Variants in CCDC80 observed in about 807,000 individuals in gnomAD.
The protein encoded by CCDC80 is coiled-coil domain containing 80.
A neutral mutation model predicts 78.7 loss-of-function variants in CCDC80; 49 were observed. The observed-to-expected ratio is 0.62, with a 90% CI of 0.50 to 0.79. CCDC80 has a LOEUF of 0.79. CCDC80 is among the 30% of genes least tolerant of loss of function. The pLI is 0.00. For missense variants in CCDC80, 1,205 were observed against 1,198.6 expected (o/e 1.01, Z -0.08); for synonymous variants, 488 against 447.0 (o/e 1.09, Z -1.16).
chr3:112,638,187 C>T lies in CCDC80; in HGVS notation c.1719G>A (p.Glu573=). Residue 573 remains glutamate (E), a synonymous_variant, in exon 2 of 8, where the codon GAG becomes GAA. Coordinates refer to ENST00000206423, the MANE Select transcript of CCDC80 (RefSeq NM_199511.3). ...LKSEKQMKKS[E]KKSKQEKEKS... is the part of the protein sequence containing the mutation. Reference sequence around the variant, plus strand: ...TCTCTTTCTCTTGCTTGCTCTTTTTCTCAGACTTCTTCATTTGCTTTTCAC... The same window carrying T: ...TCTCTTTCTCTTGCTTGCTCTTTTTTTCAGACTTCTTCATTTGCTTTTCAC... 1.2e-6 allele frequency: 2 copies of T among 1,613,458 alleles called. No homozygotes were observed. Among genetic ancestry groups the T allele is most frequent in the Middle Eastern group, 1.6e-4 (1 of 6,062 alleles).
chr3:112,606,721 G>A (rs895336077), intron 7 of CCDC80, among the ~76,000 whole-genome samples: 67 of 152,018 alleles, frequency 4.4e-4, no homozygotes, highest in Non-Finnish European at 1.9e-4. Flanking sequence ...CACCATGCCC[G>A]GCTTCTCTGA....
rs35931975 is a variant in CCDC80, at chr3:112,603,973, A to C, written c.*1444T>G. 0.042 allele frequency: 6,358 copies of C among 152,312 alleles called. 246 individuals are homozygous for C. The highest frequency in any genetic ancestry group is 0.11 in the Admixed American group (1,646 of 15,300). The allele number at this position is 152,312 out of a possible 1,614,324, so 9.4% of individuals were successfully genotyped here. ...TTGGAGGAAGCTCTGCTATAGACAT[A>C]GTGGAAATAGCAAGAGAACTGGAAT... On this transcript the variant is annotated 3_prime_UTR_variant, in exon 8 of 8. Transcript: ENST00000206423.
Position 112,633,123 on chromosome 3 carries a change from G to A in CCDC80, c.1879-2854C>T, listed in dbSNP as rs780662139. 2.5e-4 allele frequency among the ~76,000 whole-genome samples: 38 copies of A among 152,106 alleles called. 1 individual carries two copies. The highest frequency in any genetic ancestry group is 2.3e-3 in the Admixed American group (35 of 15,254). On this transcript the variant is annotated intron_variant, in intron 2 of 7. Transcript: ENST00000206423. ...TCCTGCCAACCTCATCACGTTGTGA[G>A]ATCTGAGCAAAAGTAAATATATCTG... is the stretch of plus-strand genomic sequence containing the variant.
chr3:112,629,131 T>C (rs1245278765), intron 3 of CCDC80, among the ~76,000 whole-genome samples: 2 of 152,234 alleles, frequency 1.3e-5, no homozygotes, highest in Admixed American at 6.6e-5. Context: ...GATAATGTTA[T>C]GTGTATTGAA....
chr3:112,615,769 C>T (rs564327378), intron 5 of CCDC80, among the ~76,000 whole-genome samples: 9 of 152,108 alleles, frequency 5.9e-5, no homozygotes, highest in Admixed American at 6.6e-5. Flanking sequence ...GACCTCTGGT[C>T]GTCCTCACTG....
At chr3:112,621,781 TACCA>T (rs1244630480) in intron 3 of CCDC80, among the ~76,000 whole-genome samples, 1 of 152,160 alleles carries the variant, frequency 6.6e-6, no homozygotes, top group Non-Finnish European at 1.5e-5. Context: ...GTCACACCCC[TACCA>T]TAGGACAGCT....
At chr3:112,640,295 C>T in intron 1 of CCDC80, 32 bp downstream of exon 1, 1 of 199,204 alleles carries the variant, frequency 5.0e-6, no homozygotes, top group South Asian at 9.6e-5. Flanking sequence ...AACAAATAAA[C>T]AGATCAAAGA....
chr3:112,640,221 T>G (rs942721476), intron 1 of CCDC80, 106 bp downstream of exon 1: 2 of 311,820 alleles, frequency 6.4e-6, no homozygotes, highest in Non-Finnish European at 1.2e-5. Flanking sequence ...CCAAAGAAAA[T>G]GCAAACTAGC....
At position 112,638,858 on chromosome 3, in the gene CCDC80, C is replaced by A; in HGVS notation, c.1048G>T (p.Ala350Ser). ...ALPQPPSTPR[A>S]TTLPPAPATT... is the part of the protein sequence containing the mutation. ...GCTGGGGCAGGAGGAAGGGTGGTGG[C>A]TCTGGGGGTTGAGGGAGGTTGGGGC... The change falls in exon 2 of 8, where the codon GCC (alanine) becomes TCC (serine). Residue 350 changes from alanine (A) to serine (S), a missense_variant. Transcript: ENST00000206423. 1.9e-6 allele frequency: 3 copies of A among 1,613,544 alleles called. No individual in the cohort carries two copies. The highest frequency in any genetic ancestry group is 2.5e-6 in the Non-Finnish European group (3 of 1,179,934).
chr3:112,628,056 T>C (rs914379773), intron 3 of CCDC80, among the ~76,000 whole-genome samples: 1 of 152,190 alleles, frequency 6.6e-6, no homozygotes, highest in Non-Finnish European at 1.5e-5. Context: ...GAGAACACTT[T>C]GTGAAAGTGT....
At chr3:112,627,847 C>T (rs1455415279) in intron 3 of CCDC80, among the ~76,000 whole-genome samples, 2 of 147,418 alleles carry the variant, frequency 1.4e-5, no homozygotes, top group African/African-American at 2.5e-5. Context: ...AATCATAATA[C>T]CTGATTTCCA....
At chr3:112,608,085 T>C (rs1438929918) in intron 6 of CCDC80, among the ~76,000 whole-genome samples, 1 of 152,244 alleles carries the variant, frequency 6.6e-6, no homozygotes, top group Non-Finnish European at 1.5e-5. Flanking sequence ...GGGAAGGTCA[T>C]GCCTTGGTAG....
chr3:112,614,436 G>T (rs910560660), intron 5 of CCDC80, among the ~76,000 whole-genome samples: 1 of 152,016 alleles, frequency 6.6e-6, no homozygotes, highest in Non-Finnish European at 1.5e-5. Flanking sequence ...CAAAAGAAAA[G>T]CTCTTAGCAT....
intron 7 of CCDC80, among the ~76,000 whole-genome samples, chr3:112,606,669 C>T (rs1180536552): frequency 6.6e-6 from 1 of 151,814 alleles, no homozygotes; most frequent in Non-Finnish European, 1.5e-5. Context: ...AAGTGTTCTG[C>T]CCACCTCGGC....
At chr3:112,618,449 C>A (rs1935797029) in intron 4 of CCDC80, among the ~76,000 whole-genome samples, 1 of 151,998 alleles carries the variant, frequency 6.6e-6, no homozygotes, top group Non-Finnish European at 1.5e-5. Flanking sequence ...ATGGCGTGAA[C>A]CTGGGGGGTG....
Position 112,597,003 on chromosome 3 carries a change from G to C in CCDC80, c.*8414C>G, listed in dbSNP as rs1006065880. ...TGAGAGTTCAATGTCATTCCCAACA[G>C]GGTCTTTATGTCTGTCTGGTCATGT... On this transcript the variant is annotated 3_prime_UTR_variant, in exon 8 of 8. Transcript: ENST00000206423. The C allele has an allele frequency of 2.0e-5, 3 of 152,124 alleles. No individual in the cohort carries two copies. Among genetic ancestry groups the C allele is most frequent in the Non-Finnish European group, 2.9e-5 (2 of 68,024 alleles). The allele number at this position is 152,124 out of a possible 1,614,324, so 9.4% of individuals were successfully genotyped here.
chr3:112,622,924 C>T, intron 3 of CCDC80, among the ~76,000 whole-genome samples: 1 of 151,300 alleles, frequency 6.6e-6, no homozygotes, highest in Non-Finnish European at 1.5e-5. Context: ...GATTCACCCA[C>T]CTTAGCCTTC....
At position 112,604,650 on chromosome 3, in the gene CCDC80, C is replaced by T. The variant is rs1367771770; in HGVS notation, c.*767G>A. On this transcript the variant is annotated 3_prime_UTR_variant, in exon 8 of 8. Coordinates refer to ENST00000206423, the MANE Select transcript of CCDC80 (RefSeq NM_199511.3). Reference sequence around the variant, plus strand: ...ATCTCCATGGTATGCCTGTGCTGTACAGGGGGTAAAGTGTGAGGGGTCAAG... The same window carrying T: ...ATCTCCATGGTATGCCTGTGCTGTATAGGGGGTAAAGTGTGAGGGGTCAAG... The T allele has an allele frequency of 1.3e-5, 2 of 152,128 alleles. No individual in the cohort carries two copies. Among genetic ancestry groups the T allele is most frequent in the African/African-American group, 4.8e-5 (2 of 41,382 alleles). 9.4% of individuals were successfully genotyped at this position (152,128 alleles called of 1,614,324 possible). A position where few individuals can be genotyped will look rare whatever the true frequency, so the allele number is the denominator to read the frequency against.
chr3:112,605,082 A>C lies in CCDC80; in HGVS notation c.*335T>G, dbSNP rs916652611. The stretch of plus-strand genomic sequence containing the variant: ...TTTTCACTTACCAATTAATACAAAA[A>C]ATAAGAAAAAGCTTTAAATACATAT... On this transcript the variant is annotated 3_prime_UTR_variant, in exon 8 of 8. Coordinates refer to ENST00000206423, the MANE Select transcript of CCDC80 (RefSeq NM_199511.3). 7.8e-5 allele frequency: 14 copies of C among 180,036 alleles called. No homozygotes were observed. Among genetic ancestry groups the C allele is most frequent in the Non-Finnish European group, 9.1e-5 (8 of 87,470 alleles). 11.2% of individuals were successfully genotyped at this position (180,036 alleles called of 1,614,324 possible).
Sources: allele counts gnomAD v4.1 joint callset (sites outside exome capture counted in the v4.1 genomes callset), GRCh38; gene constraint gnomAD v4.1.1; transcripts MANE v1.5; gene names NCBI Gene and HGNC (gene_info 2026-07-23, HGNC 2026-07-21).